Variants in ITGB2 observed in about 807,000 individuals in gnomAD.
The protein encoded by ITGB2 is integrin subunit beta 2.
A neutral mutation model predicts 86.8 loss-of-function variants in ITGB2; 56 were observed. The observed-to-expected ratio is 0.65, with a 90% CI of 0.52 to 0.81. The LOEUF is 0.81. Ranked by LOEUF, ITGB2 falls within the 30% of genes least tolerant of loss-of-function variation. The pLI is 0.00. For synonymous variants in ITGB2, 457 were observed against 450.4 expected, an observed-to-expected ratio of 1.01 and a Z score of -0.19; for missense variants, 948 against 1,061.2, an observed-to-expected ratio of 0.89 and a Z score of 1.48.
At chr21:44,897,159 C>T (rs534813933) in intron 8 of ITGB2, among the ~76,000 whole-genome samples, 131 of 152,184 alleles carry the variant, frequency 8.6e-4, no homozygotes, top group Non-Finnish European at 1.7e-3. Flanking sequence ...CTCCAGAGCC[C>T]GGGGAACCTA....
intron 1 of ITGB2, among the ~76,000 whole-genome samples, chr21:44,916,289 G>A (rs372889804): frequency 1.3e-5 from 2 of 150,584 alleles, no homozygotes; most frequent in African/African-American, 2.5e-5. Flanking sequence ...CCACCCCCCC[G>A]ACACACACAT....
At chr21:44,889,768 C>G (rs2083758138) in intron 12 of ITGB2, among the ~76,000 whole-genome samples, 1 of 152,340 alleles carries the variant, frequency 6.6e-6, no homozygotes, top group South Asian at 2.1e-4. Flanking sequence ...CACAAGGACG[C>G]CTTGTCCTCA....
At chr21:44,927,186 G>A (rs548696132) in intron 1 of ITGB2, among the ~76,000 whole-genome samples, 1 of 152,308 alleles carries the variant, frequency 6.6e-6, no homozygotes, top group Non-Finnish European at 1.5e-5. Flanking sequence ...TTTCCACGGA[G>A]GAGACCCCAT....
At chr21:44,908,155 C>T (rs781047413) in intron 3 of ITGB2, 4 of 745,770 alleles carry the variant, frequency 5.4e-6, no homozygotes, top group Admixed American at 3.7e-5. Context: ...GCCGCGGTGG[C>T]GTGGGCTGGA....
In ITGB2 at chr21:44,896,750, C is replaced by T. The variant is rs369332316; in HGVS notation, c.994-1690G>A. On this transcript the variant is annotated intron_variant, in intron 8 of 15. Coordinates refer to ENST00000652462, the MANE Select transcript of ITGB2 (RefSeq NM_000211.5). The stretch of plus-strand genomic sequence containing the variant: ...GGAGGGGGCGTGGCACGTGTGTCCA[C>T]ACTCGCTGCCTGTTGCCTTGACCAC... Among the ~76,000 whole-genome samples the T allele has an allele frequency of 2.0e-4, 31 of 152,348 alleles. No homozygotes were observed. In the East Asian group the frequency reaches 2.3e-3, roughly 11 times the overall value.
At chr21:44,927,605 T>G (rs2084390545) in intron 1 of ITGB2, 1 of 152,214 alleles carries the variant, frequency 6.6e-6, no homozygotes, top group Non-Finnish European at 1.5e-5. Flanking sequence ...TTTTTTTTCT[T>G]TTTCACTTCT....
chr21:44,904,448 C>T (rs183200082), intron 4 of ITGB2, among the ~76,000 whole-genome samples: 12 of 152,034 alleles, frequency 7.9e-5, no homozygotes, highest in Admixed American at 3.9e-4. Flanking sequence ...CACGCACCCA[C>T]ATATACACGC....
intron 8 of ITGB2, among the ~76,000 whole-genome samples, chr21:44,896,255 A>G (rs1431515394): frequency 6.6e-6 from 1 of 152,212 alleles, no homozygotes; most frequent in Non-Finnish European, 1.5e-5. Context: ...AATTCCTACC[A>G]CCACACAGAT....
upstream of ITGB2, among the ~76,000 whole-genome samples, chr21:44,924,824 G>A (rs375181755): frequency 1.4e-4 from 21 of 152,256 alleles, no homozygotes; most frequent in South Asian, 2.9e-3. Flanking sequence ...CCACAGATCC[G>A]TAACACTGAG....
At chr21:44,900,587 G>A in intron 6 of ITGB2, 112 bp from the exon 7 acceptor site, 1 of 1,348,938 alleles carries the variant, frequency 7.4e-7, no homozygotes, top group Non-Finnish European at 1.0e-6. Flanking sequence ...GCTGGTGTGG[G>A]TCCCCCTTTC....
At position 44,889,485 on chromosome 21, in the gene ITGB2, G is replaced by A; in HGVS notation, c.1668C>T (p.Leu556=). ...GQVCGGPGRG[L]CFCGKCRCHP... is the part of the protein sequence containing the mutation. ...GGCAGCGGCACTTCCCGCAGAAGCA[G>A]AGCCCCCTCCCTGGAAGACGGGGCA... Residue 556 remains leucine (L), a synonymous_variant, in exon 13 of 16, where the codon CTC becomes CTT. Transcript: ENST00000652462. 1 of 1,570,496 alleles carries A rather than the reference G, an allele frequency of 6.4e-7. No individual in the cohort carries two copies. The highest frequency in any genetic ancestry group is 1.2e-5 in the South Asian group (1 of 86,658).
At chr21:44,890,768 C>G (rs374039025) in intron 11 of ITGB2, among the ~76,000 whole-genome samples, 110 of 152,240 alleles carry the variant, frequency 7.2e-4, no homozygotes, top group African/African-American at 2.4e-3. Context: ...CTGCCACGGG[C>G]TCTCCTGCTC....
intron 1 of ITGB2, among the ~76,000 whole-genome samples, chr21:44,911,910 T>C (rs2084140025): frequency 6.6e-6 from 1 of 152,082 alleles, no homozygotes; most frequent in South Asian, 2.1e-4. Flanking sequence ...GTCTTAGGGC[T>C]TCCTAGGTGG....
intron 10 of ITGB2, among the ~76,000 whole-genome samples, chr21:44,892,604 C>CAAAAAAAAAAAAAA: frequency 1.4e-5 from 1 of 71,142 alleles, no homozygotes; most frequent in Non-Finnish European, 2.6e-5. Context: ...AACTCCATCT[C>CAAAAAAAAAAAAAA]AAAAAAAAAA....
At chr21:44,913,468 G>A (rs944212180) in intron 1 of ITGB2, among the ~76,000 whole-genome samples, 2 of 152,146 alleles carry the variant, frequency 1.3e-5, no homozygotes, top group Non-Finnish European at 2.9e-5. Flanking sequence ...CAGAGACCAC[G>A]GCACCCCAAC....
chr21:44,893,502 C>G lies in ITGB2; in HGVS notation c.1126G>C (p.Asp376His). ...RVFLDHNALPDTLKVTYDSFC... is the reference protein window; with the variant it reads ...RVFLDHNALPHTLKVTYDSFC... ...GAGTCGTAGGTGACTTTCAGGGTGTCGGGGAGGGCGTTGTGATCCAGGAAG... is the reference window on the plus strand; with the variant it reads ...GAGTCGTAGGTGACTTTCAGGGTGTGGGGGAGGGCGTTGTGATCCAGGAAG... The change falls in exon 10 of 16, where the codon GAC becomes CAC. Residue 376 changes from aspartate (D) to histidine (H), a missense_variant. Transcript: ENST00000652462. 6.2e-7 allele frequency: 1 copy of G among 1,614,030 alleles called. No individual in the cohort carries two copies. The highest frequency in any genetic ancestry group is 1.7e-4 in the Middle Eastern group (1 of 6,060).
Position 44,900,296 on chromosome 21 carries a change from TGGGTGCCTG to T in ITGB2, c.897+15_897+23del. ...CAGTGGTGTCCTGCCAGGCGGTGCC[TGGGTGCCTG>T]GGGTGGGGACTTACGAATTCGTTGC... On this transcript the variant is annotated intron_variant, in intron 7 of 15. Coordinates refer to ENST00000652462, the MANE Select transcript of ITGB2 (RefSeq NM_000211.5). The T allele has an allele frequency of 6.2e-7, 1 of 1,614,062 alleles. No homozygotes were observed. The highest frequency in any genetic ancestry group is 2.2e-5 in the East Asian group (1 of 44,870).
At position 44,886,773 on chromosome 21, in the gene ITGB2, C is replaced by A. The variant is rs138714119; in HGVS notation, c.2210G>T (p.Arg737Leu). ...GGACTTGAGCTTCTCCTTCTCAAAGCGCCTGTACTCCCGGAGGTCGCTCAG... is the reference window on the plus strand; with the variant it reads ...GGACTTGAGCTTCTCCTTCTCAAAGAGCCTGTACTCCCGGAGGTCGCTCAG... Reference protein sequence around the residue: ...IHLSDLREYRRFEKEKLKSQW... With the variant: ...IHLSDLREYRLFEKEKLKSQW... The change falls in exon 15 of 16, where the codon CGC (arginine) becomes CTC (leucine). Residue 737 changes from arginine (R) to leucine (L), a missense_variant. Coordinates refer to ENST00000652462, the MANE Select transcript of ITGB2 (RefSeq NM_000211.5). The A allele has an allele frequency of 6.2e-7, 1 of 1,614,044 alleles. No individual in the cohort carries two copies. Among genetic ancestry groups the A allele is most frequent in the Non-Finnish European group, 8.5e-7 (1 of 1,180,022 alleles).
chr21:44,914,402 G>A (rs989022460), intron 1 of ITGB2: 2 of 152,308 alleles, frequency 1.3e-5, no homozygotes, highest in Admixed American at 1.3e-4. Flanking sequence ...GCAGGACCAG[G>A]GGGACGAGGT....
Sources: allele counts gnomAD v4.1 joint callset (sites outside exome capture counted in the v4.1 genomes callset), GRCh38; gene constraint gnomAD v4.1.1; transcripts MANE v1.5; gene names NCBI Gene and HGNC (gene_info 2026-07-23, HGNC 2026-07-21).